ZNF581: variants seen among roughly 807,000 people sequenced by gnomAD.
ZNF581 encodes the protein zinc finger protein 581.
A neutral mutation model predicts 1.2 loss-of-function variants in ZNF581; 1 was observed. The observed-to-expected ratio is 0.83, with a 90% confidence interval of 0.30 to 3.95. ZNF581 has a LOEUF of 3.95. ZNF581 is among the 30% of genes most tolerant of loss of function. The probability of loss-of-function intolerance (pLI) is 0.18; values close to 1 mark genes in which losing one functional copy is unlikely to be tolerated. For synonymous variants in ZNF581, 105 were observed against 109.2 expected, an observed-to-expected ratio of 0.96 and a Z score of 0.24; for missense variants, 273 against 274.6, an observed-to-expected ratio of 0.99 and a Z score of 0.04.
upstream of ZNF581, among the ~76,000 whole-genome samples, chr19:55,638,915 G>C (rs189608803): frequency 7.1e-6 from 1 of 141,172 alleles, no homozygotes; most frequent in South Asian, 2.2e-4. Flanking sequence ...GGAAACAGGA[G>C]AATCACCTGA....
Position 55,644,950 on chromosome 19 carries a change from GC to G in ZNF581, c.381del (p.Ser128AlafsTer95). The G allele has an allele frequency of 6.2e-7, 1 of 1,612,748 alleles. No homozygotes were observed. Among genetic ancestry groups the G allele is most frequent in the Non-Finnish European group, 8.5e-7 (1 of 1,179,186 alleles). On this transcript the variant is annotated frameshift_variant, in exon 2 of 2. Transcript: ENST00000270451. LOFTEE classifies it low-confidence loss of function (END_TRUNC). This position sits in a 1 kb window ranked among gnomAD's most constrained non-coding sequence, Gnocchi z 4.3. ...CATCTGTGGGAAGGCATTCAAGCGC[GC>G]CAGCCACTTGGCACGGCACCATTCC... ...CDICGKAFKR[A>X]SHLARHHSIH...
chr19:55,640,719 G>T (rs1982403411), upstream of ZNF581: 5 of 985,340 alleles, frequency 5.1e-6, no homozygotes, highest in African/African-American at 5.2e-5. Flanking sequence ...GGCCACGGCC[G>T]AGCAGGCAGC....
intron 1 of ZNF581, chr19:55,635,835 C>A: frequency 3.6e-6 from 2 of 562,954 alleles, no homozygotes; most frequent in Non-Finnish European, 4.5e-6. Context: ...GACTGGTGAG[C>A]AGGGCATATA....
upstream of ZNF581, chr19:55,640,523 GA>G: frequency 3.0e-6 from 3 of 985,474 alleles, no homozygotes; most frequent in Non-Finnish European, 3.6e-6. Flanking sequence ...GTGCCCCGTG[GA>G]AAGAACATAC....
upstream of ZNF581, chr19:55,642,402 T>A (rs1423764252): frequency 7.4e-7 from 1 of 1,343,930 alleles, no homozygotes; most frequent in Middle Eastern, 2.1e-4. Context: ...GCACAAAGGG[T>A]AACAAGCAGT....
At position 55,644,570 on chromosome 19, in the gene ZNF581, G is replaced by C. The variant is rs747915903; in HGVS notation, c.-2G>C. 6.3e-7 allele frequency: 1 copy of C among 1,584,080 alleles called. No individual in the cohort carries two copies. Among genetic ancestry groups the C allele is most frequent in the Non-Finnish European group, 8.6e-7 (1 of 1,165,814 alleles). Reference sequence around the variant, plus strand: ...TCCACCAGGCCTCAGCCAGCCCTCCGGATGCTGGTGCTGCCATCCCCCTGC... The same window carrying C: ...TCCACCAGGCCTCAGCCAGCCCTCCCGATGCTGGTGCTGCCATCCCCCTGC... On this transcript the variant is annotated 5_prime_UTR_variant, in exon 2 of 2. Transcript: ENST00000270451. The surrounding 1 kb of genome is among the most constrained non-coding windows in gnomAD (Gnocchi z 4.3).
At chr19:55,642,257 A>G, upstream of ZNF581, 1 of 1,231,672 alleles carries the variant, frequency 8.1e-7, no homozygotes, top group Non-Finnish European at 1.0e-6. Context: ...TGAGAGGTGG[A>G]CCCAGGAGGA....
At chr19:55,642,263 G>C, upstream of ZNF581, 1 of 1,239,302 alleles carries the variant, frequency 8.1e-7, no homozygotes, top group Non-Finnish European at 1.0e-6. Context: ...GTGGACCCAG[G>C]AGGAGTGGCA....
upstream of ZNF581, among the ~76,000 whole-genome samples, chr19:55,637,832 G>T (rs1982185890): frequency 6.6e-6 from 1 of 152,200 alleles, no homozygotes; most frequent in African/African-American, 2.4e-5. Flanking sequence ...TCCTCATGGT[G>T]CTTTCCTTGT....
In ZNF581 at chr19:55,645,131, C is replaced by T. The variant is rs1228834451; in HGVS notation, c.560C>T (p.Thr187Ile). Residue 187 changes from threonine to isoleucine, a missense_variant, in exon 2 of 2, where the codon ACA (threonine) becomes ATA (isoleucine). Transcript: ENST00000270451. ...HCPRRFMEQN[T>I]LQKHTRWKHP ...CCTCGCCGCTTTATGGAGCAGAACA[C>T]ACTGCAGAAACACACGCGGTGGAAG... is the stretch of plus-strand genomic sequence containing the variant. 1 of 1,525,206 alleles carries T rather than the reference C, an allele frequency of 6.6e-7. No individual in the cohort carries two copies. The highest frequency in any genetic ancestry group is 8.8e-7 in the Non-Finnish European group (1 of 1,133,164). The allele number at this position is 1,525,206 out of a possible 1,614,324, so 94.5% of individuals were successfully genotyped here.
Position 55,645,498 on chromosome 19 carries a change from C to G in ZNF581, c.*333C>G, listed in dbSNP as rs531296293. The G allele has an allele frequency of 8.2e-6, 2 of 244,354 alleles. No individual in the cohort carries two copies. Among genetic ancestry groups the G allele is most frequent in the East Asian group, 1.7e-4 (2 of 11,902 alleles). The allele number at this position is 244,354 out of a possible 1,614,324, so 15.1% of individuals were successfully genotyped here. On this transcript the variant is annotated 3_prime_UTR_variant, in exon 2 of 2. Coordinates refer to ENST00000270451, the MANE Select transcript of ZNF581 (RefSeq NM_016535.4). Reference sequence around the variant, plus strand: ...GGCCTCATAAAAGGTGGCTGTGGGTCGTCAGGAATCTGCGCCATCTTCCTG... The same window carrying G: ...GGCCTCATAAAAGGTGGCTGTGGGTGGTCAGGAATCTGCGCCATCTTCCTG...
At chr19:55,642,669 T>A (rs1982592713), upstream of ZNF581, 1 of 1,419,476 alleles carries the variant, frequency 7.0e-7, no homozygotes, top group Non-Finnish European at 9.2e-7. Flanking sequence ...GGCCGCCACC[T>A]CCTCATCGAC....
In ZNF581 at chr19:55,644,369, G is replaced by A. The variant is rs1982723755; in HGVS notation, c.-19-184G>A. On this transcript the variant is annotated intron_variant, in intron 1 of 1. Transcript: ENST00000270451. The surrounding 1 kb of genome is among the most constrained non-coding windows in gnomAD (Gnocchi z 4.3). Reference sequence around the variant, plus strand: ...AGGCTAGGAGAGGTTTTCCAAGGAGGAAGACCCTGGGGACCTTTTAGGGGG... The same window carrying A: ...AGGCTAGGAGAGGTTTTCCAAGGAGAAAGACCCTGGGGACCTTTTAGGGGG... 6.6e-6 allele frequency among the ~76,000 whole-genome samples: 1 copy of A among 152,146 alleles called. No homozygotes were observed. The highest frequency in any genetic ancestry group is 2.4e-5 in the African/African-American group (1 of 41,412).
upstream of ZNF581, chr19:55,642,886 C>A (rs775565001): frequency 6.4e-7 from 1 of 1,560,256 alleles, no homozygotes; most frequent in East Asian, 2.4e-5. Flanking sequence ...GCGCCTGCGG[C>A]AAGGCCTTCA....
At chr19:55,642,643 C>G, upstream of ZNF581, 1 of 1,434,120 alleles carries the variant, frequency 7.0e-7, no homozygotes, top group Non-Finnish European at 9.2e-7. Context: ...CGGCGGGGCC[C>G]CGACCCCCGC....
chr19:55,643,172 G>A, upstream of ZNF581: 1 of 1,223,818 alleles, frequency 8.2e-7, no homozygotes, highest in Non-Finnish European at 1.0e-6. Context: ...CTTCCAAAGG[G>A]AGGAGCATCA....
Position 55,644,999 on chromosome 19 carries a change from G to A in ZNF581, c.428G>A (p.Arg143Gln), listed in dbSNP as rs1568539112. The A allele has an allele frequency of 6.2e-7, 1 of 1,600,786 alleles. No homozygotes were observed. The highest frequency in any genetic ancestry group is 2.2e-5 in the East Asian group (1 of 44,476). The part of the protein sequence containing the change: ...HHSIHLAGGG[R>Q]PHGCPLCPRR... ...TCCATTCACCTGGCGGGTGGTGGGC[G>A]GCCCCACGGCTGCCCGCTCTGCCCT... Residue 143 changes from arginine to glutamine, a missense_variant, in exon 2 of 2, where the codon CGG (arginine) becomes CAG (glutamine). Transcript: ENST00000270451. This position sits in a 1 kb window ranked among gnomAD's most constrained non-coding sequence, Gnocchi z 4.3.
upstream of ZNF581, chr19:55,642,057 C>T: frequency 1.0e-6 from 1 of 986,492 alleles, no homozygotes. Context: ...GGGAAGTAAA[C>T]TGAACTGGGG....
At position 55,645,183 on chromosome 19, in the gene ZNF581, C is replaced by T. The variant is rs1279407890; in HGVS notation, c.*18C>T. The T allele has an allele frequency of 6.6e-7, 1 of 1,510,778 alleles. No homozygotes were observed. Among genetic ancestry groups the T allele is most frequent in the African/African-American group, 1.4e-5 (1 of 71,626 alleles). 93.6% of individuals were successfully genotyped at this position (1,510,778 alleles called of 1,614,324 possible). On this transcript the variant is annotated 3_prime_UTR_variant, in exon 2 of 2. Coordinates refer to ENST00000270451, the MANE Select transcript of ZNF581 (RefSeq NM_016535.4). ...ATCCATGAGCCGGGCTGCCGGGTGCCCCAGGTACCACAGGACTTTGCAGGG... is the reference window on the plus strand; with the variant it reads ...ATCCATGAGCCGGGCTGCCGGGTGCTCCAGGTACCACAGGACTTTGCAGGG...
Sources: allele counts gnomAD v4.1 joint callset (sites outside exome capture counted in the v4.1 genomes callset), GRCh38; gene constraint gnomAD v4.1.1; non-coding constraint Gnocchi (gnomAD v3.1); transcripts MANE v1.5; gene names NCBI Gene and HGNC (gene_info 2026-07-23, HGNC 2026-07-21).